The following KIR2DL1 variants were observed in gnomAD, a reference collection of about 807,000 sequenced individuals.
The protein encoded by KIR2DL1 is killer cell immunoglobulin like receptor, two Ig domains and long cytoplasmic tail 1.
A neutral mutation model predicts 33.9 loss-of-function variants in KIR2DL1; 38 were observed. That is an observed-to-expected ratio of 1.12 (90% CI 0.86 to 1.47). KIR2DL1 has a LOEUF of 1.47. Ranked by LOEUF, KIR2DL1 falls within the 40% of genes most tolerant of loss-of-function variation. The pLI is 0.00. For missense variants in KIR2DL1, 531 were observed against 433.9 expected (o/e 1.22, Z -1.99); for synonymous variants, 179 against 165.9 (o/e 1.08, Z -0.61).
Position 54,773,353 on chromosome 19 carries a change from C to G in KIR2DL1, c.91C>G (p.Leu31Val). The G allele has an allele frequency of 2.5e-6, 4 of 1,599,190 alleles. No individual in the cohort carries two copies. The highest frequency in any genetic ancestry group is 3.4e-6 in the Non-Finnish European group (4 of 1,170,654). The change falls in exon 3 of 8, where the codon CTC (leucine) becomes GTC (valine). Residue 31 changes from leucine (L) to valine (V), a missense_variant. Leu to Val is a conservative substitution (Grantham distance 32). Coordinates refer to ENST00000336077, the MANE Select transcript of KIR2DL1 (RefSeq NM_014218.3). ...PHEGVHRKPSLLAHPGRLVKS... is the reference protein window; with the variant it reads ...PHEGVHRKPSVLAHPGRLVKS... ...CCTAGGAGTCCACAGAAAACCTTCC[C>G]TCCTGGCCCACCCAGGTCGCCTGGT...
chr19:54,782,916 T>C lies in KIR2DL1; in HGVS notation c.716-6T>C, dbSNP rs2077180206. On this transcript the variant is annotated splice_region_variant and splice_polypyrimidine_tract_variant and intron_variant, in intron 5 of 7. Coordinates refer to ENST00000336077, the MANE Select transcript of KIR2DL1 (RefSeq NM_014218.3). ...AGCTTCTTATTGGTGTCTCATCTTC[T>C]TCCAGGTAACCCCCGACACCTGCAC... is the stretch of plus-strand genomic sequence containing the variant. The C allele has an allele frequency of 6.2e-7, 1 of 1,612,754 alleles. No homozygotes were observed. Among genetic ancestry groups the C allele is most frequent in the Admixed American group, 1.7e-5 (1 of 59,980 alleles).
intron 1 of KIR2DL1, 152 bp from the exon 2 acceptor site, chr19:54,770,697 C>T (rs796106641): frequency 8.7e-7 from 1 of 1,147,982 alleles, no homozygotes; most frequent in Non-Finnish European, 1.3e-6. Context: ...GCACAGCCGA[C>T]AGCCCTGTTC....
rs1190162220 is a variant in KIR2DL1, at chr19:54,778,638, C to T, written c.691C>T (p.Pro231Ser). ...AAACCCTTCAAATAGTTGGCCTTCA[C>T]CCACTGAACCAAGCTCCAAAACCGG... is the stretch of plus-strand genomic sequence containing the variant. ...TGNPSNSWPS[P>S]TEPSSKTGNP... Residue 231 changes from proline to serine, a missense_variant, in exon 5 of 8, where the codon CCC becomes TCC. Pro to Ser is a moderately conservative substitution (Grantham distance 74). Coordinates refer to ENST00000336077, the MANE Select transcript of KIR2DL1 (RefSeq NM_014218.3). The T allele has an allele frequency of 1.3e-5, 21 of 1,570,142 alleles. 2 individuals carry two copies. Among genetic ancestry groups the T allele is most frequent in the South Asian group, 3.4e-5 (3 of 89,296 alleles).
At chr19:54,783,328 G>A (rs773141974) in intron 6 of KIR2DL1, among the ~76,000 whole-genome samples, 158 bp from the exon 7 acceptor site, 328 of 152,012 alleles carry the variant, frequency 2.2e-3, no homozygotes, top group Non-Finnish European at 3.3e-3. Flanking sequence ...TTCATGGGAT[G>A]GGTCCTTGAG....
rs1411420551 is a variant in KIR2DL1, at chr19:54,778,611, G to A, written c.665-1G>A. On this transcript the variant is annotated splice_acceptor_variant, in intron 4 of 7. Coordinates refer to ENST00000336077, the MANE Select transcript of KIR2DL1 (RefSeq NM_014218.3). LOFTEE classifies it high-confidence loss of function. The stretch of plus-strand genomic sequence containing the variant: ...CACCTCTCTCCTGTCTCATGTTCTA[G>A]GAAACCCTTCAAATAGTTGGCCTTC... 1.3e-6 allele frequency: 2 copies of A among 1,560,724 alleles called. No individual in the cohort carries two copies. The highest frequency in any genetic ancestry group is 1.4e-5 in the African/African-American group (1 of 72,248).
chr19:54,782,299 TG>T (rs2077064264), intron 5 of KIR2DL1, among the ~76,000 whole-genome samples: 1 of 151,996 alleles, frequency 6.6e-6, no homozygotes, highest in Admixed American at 6.5e-5. Context: ...AGGCCATTTT[TG>T]TTGCTCTAAA....
At position 54,776,833 on chromosome 19, in the gene KIR2DL1, G is replaced by A. The variant is rs1165902182; in HGVS notation, c.664+1375G>A. ...TTTTTGGTTTTTTTAGTATAGATGCGGTTTCCCCATGTTGGCTGGGCTGCT... is the reference window on the plus strand; with the variant it reads ...TTTTTGGTTTTTTTAGTATAGATGCAGTTTCCCCATGTTGGCTGGGCTGCT... On this transcript the variant is annotated intron_variant, in intron 4 of 7. Coordinates refer to ENST00000336077, the MANE Select transcript of KIR2DL1 (RefSeq NM_014218.3). 1.2e-4 allele frequency among the ~76,000 whole-genome samples: 17 copies of A among 146,538 alleles called. 2 individuals carry two copies. The highest frequency in any genetic ancestry group is 2.0e-4 in the Non-Finnish European group (13 of 65,802).
chr19:54,770,372 C>T (rs376605837), intron 1 of KIR2DL1, among the ~76,000 whole-genome samples: 2 of 90,284 alleles, frequency 2.2e-5, no homozygotes, highest in Admixed American at 2.5e-4. Flanking sequence ...GCCTAGAGGT[C>T]GATATCTGGG....
chr19:54,782,773 A>G (rs2077151580), intron 5 of KIR2DL1, 149 bp from the exon 6 acceptor site: 6 of 797,096 alleles, frequency 7.5e-6, no homozygotes, highest in African/African-American at 1.7e-5. Context: ...TATAACAGAA[A>G]AAGCAGGAGA....
chr19:54,772,905 A>C (rs2075909565), intron 2 of KIR2DL1, among the ~76,000 whole-genome samples: 1 of 146,258 alleles, frequency 6.8e-6, no homozygotes, highest in Admixed American at 7.0e-5. Context: ...TACCAGGAAC[A>C]GGGTGTGTGG....
At chr19:54,780,507 T>C (rs62122997) in intron 5 of KIR2DL1, among the ~76,000 whole-genome samples, 24,672 of 141,966 alleles carry the variant, frequency 0.17, 145 homozygotes, top group Non-Finnish European at 0.24. Flanking sequence ...GGAGTGTGTG[T>C]TTGACACTCA....
chr19:54,775,345 A>T lies in KIR2DL1; in HGVS notation c.551A>T (p.Asp184Val), dbSNP rs151330111. 2.1e-4 allele frequency: 333 copies of T among 1,581,934 alleles called. 6 individuals carry two copies. In the African/African-American group the frequency reaches 3.2e-3, roughly 15 times the overall value. ...AAGGTCAACGGAACATTCCAGGCTGACTTTCCTCTGGGCCCTGCCACCCAC... is the reference window on the plus strand; with the variant it reads ...AAGGTCAACGGAACATTCCAGGCTGTCTTTCCTCTGGGCCCTGCCACCCAC... ...GPKVNGTFQA[D>V]FPLGPATHGG... Residue 184 changes from aspartate to valine, a missense_variant, in exon 4 of 8, where the codon GAC becomes GTC. Transcript: ENST00000336077.
chr19:54,779,317 G>A (rs371284131), intron 5 of KIR2DL1, among the ~76,000 whole-genome samples: 2,305 of 148,886 alleles, frequency 0.015, 138 homozygotes, highest in South Asian at 0.036. Flanking sequence ...CTAAAATCAA[G>A]GTGACAGCAA....
chr19:54,783,132 A>T, intron 6 of KIR2DL1, 109 bp downstream of exon 6: 1 of 1,295,542 alleles, frequency 7.7e-7, no homozygotes, highest in African/African-American at 1.4e-5. Flanking sequence ...GGCCCAAGGC[A>T]GCAGCCACAG....
Position 54,773,567 on chromosome 19 carries a change from G to A in KIR2DL1, c.305G>A (p.Gly102Asp), listed in dbSNP as rs754452359. The change falls in exon 3 of 8, where the codon GGT becomes GAT. Residue 102 changes from glycine (G) to aspartate (D), a missense_variant. Coordinates refer to ENST00000336077, the MANE Select transcript of KIR2DL1 (RefSeq NM_014218.3). The stretch of plus-strand genomic sequence containing the variant: ...CTGGCAGGGACCTACAGATGCTACG[G>A]TTCTGTTACTCACTCCCCCTATCAG... The part of the protein sequence containing the change: ...QDLAGTYRCY[G>D]SVTHSPYQVS... 6.3e-7 allele frequency: 1 copy of A among 1,581,658 alleles called. No homozygotes were observed. The highest frequency in any genetic ancestry group is 8.7e-7 in the Non-Finnish European group (1 of 1,154,214).
Position 54,776,441 on chromosome 19 carries a change from C to G in KIR2DL1, c.664+983C>G, listed in dbSNP as rs373115109. Among the ~76,000 whole-genome samples the G allele has an allele frequency of 2.7e-5, 4 of 146,090 alleles. No homozygotes were observed. In the East Asian group the frequency reaches 5.9e-4, roughly 21 times the overall value. ...GTTATTCTTTCTATGGATGAGTAGT[C>G]TCCACTGTGCGTATGTACTACATTC... is the stretch of plus-strand genomic sequence containing the variant. On this transcript the variant is annotated intron_variant, in intron 4 of 7. Coordinates refer to ENST00000336077, the MANE Select transcript of KIR2DL1 (RefSeq NM_014218.3).
At chr19:54,773,087 C>T (rs2075940861) in intron 2 of KIR2DL1, among the ~76,000 whole-genome samples, 1 of 148,388 alleles carries the variant, frequency 6.7e-6, no homozygotes, top group Non-Finnish European at 1.5e-5. Context: ...ATACAACAGC[C>T]CAAGAGATGA....
Position 54,782,966 on chromosome 19 carries a change from A to G in KIR2DL1, c.760A>G (p.Ile254Val), listed in dbSNP as rs1411083885. 1 of 1,613,586 alleles carries G rather than the reference A, an allele frequency of 6.2e-7. No individual in the cohort carries two copies. The highest frequency in any genetic ancestry group is 1.3e-5 in the African/African-American group (1 of 74,848). ...LHILIGTSVV[I>V]ILFILLFFLL... ...CATTCTGATTGGGACCTCAGTGGTCATCATCCTCTTCATCCTCCTCTTCTT... is the reference window on the plus strand; with the variant it reads ...CATTCTGATTGGGACCTCAGTGGTCGTCATCCTCTTCATCCTCCTCTTCTT... The change falls in exon 6 of 8, where the codon ATC (isoleucine) becomes GTC (valine). Residue 254 changes from isoleucine to valine, a missense_variant. Coordinates refer to ENST00000336077, the MANE Select transcript of KIR2DL1 (RefSeq NM_014218.3).
At position 54,784,044 on chromosome 19, in the gene KIR2DL1, G is replaced by A. The variant is rs370838869; in HGVS notation, c.*231G>A. On this transcript the variant is annotated 3_prime_UTR_variant, in exon 8 of 8. Coordinates refer to ENST00000336077, the MANE Select transcript of KIR2DL1 (RefSeq NM_014218.3). Reference sequence around the variant, plus strand: ...AACACACTCCTTTGCTTAACCCACAGTTCTCCATTTCACTTGACCCCTGCC... The same window carrying A: ...AACACACTCCTTTGCTTAACCCACAATTCTCCATTTCACTTGACCCCTGCC... The A allele has an allele frequency of 0.031, 20,992 of 685,320 alleles. 478 individuals carry two copies. Among genetic ancestry groups the A allele is most frequent in the Middle Eastern group, 0.057 (146 of 2,576 alleles). The allele number at this position is 685,320 out of a possible 1,614,324, so 42.5% of individuals were successfully genotyped here.
Sources: allele counts gnomAD v4.1 joint callset (sites outside exome capture counted in the v4.1 genomes callset), GRCh38; gene constraint gnomAD v4.1.1; transcripts MANE v1.5; gene names NCBI Gene and HGNC (gene_info 2026-07-23, HGNC 2026-07-21).